CSTL1: variants seen among roughly 807,000 people sequenced by gnomAD.
The protein encoded by CSTL1 is cystatin-like 1.
In CSTL1, 14 loss-of-function variants were observed where a neutral mutation model predicts 14.4. The ratio of observed to expected loss-of-function variants is 0.97; its 90% CI spans 0.64 to 1.52. CSTL1 has a LOEUF of 1.52. CSTL1 is among the 40% of genes most tolerant of loss of function. The pLI is 0.00. For synonymous variants in CSTL1, 72 were observed against 67.5 expected (o/e 1.07, Z -0.33); for missense variants, 170 against 168.7 (o/e 1.01, Z -0.04).
the CSTL1 span, among the ~76,000 whole-genome samples, chr20:23,457,320 G>A: frequency 1.3e-5 from 2 of 152,238 alleles, no homozygotes; most frequent in East Asian, 1.9e-4. Flanking sequence ...CTCTGTTCCC[G>A]ACTCCTGGAC....
chr20:23,448,324 G>A (rs993709550), downstream of CSTL1, among the ~76,000 whole-genome samples: 1 of 152,186 alleles, frequency 6.6e-6, no homozygotes, highest in African/African-American at 2.4e-5. Context: ...TGGTGGGCCT[G>A]AGCCAGCATT....
chr20:23,441,010 C>T (rs573757486), intron 2 of CSTL1: 3 of 183,946 alleles, frequency 1.6e-5, no homozygotes, highest in African/African-American at 2.4e-5. Flanking sequence ...CTGCCCACCT[C>T]GGCCTCCCAA....
At chr20:23,452,644 G>A in the CSTL1 span, 1 of 1,614,028 alleles carries the variant, frequency 6.2e-7, no homozygotes, top group Non-Finnish European at 8.5e-7. Context: ...CACTTTCCTT[G>A]TTATACTGGT....
chr20:23,451,818 T>A, the CSTL1 span: 2 of 1,613,078 alleles, frequency 1.2e-6, no homozygotes, highest in Admixed American at 3.3e-5. Context: ...CCCAATACCT[T>A]GTGAAGCTCC....
At chr20:23,446,360 ATTC>A (rs1407793789), downstream of CSTL1, among the ~76,000 whole-genome samples, 16 of 152,200 alleles carry the variant, frequency 1.1e-4, no homozygotes, top group Middle Eastern at 6.8e-3. Flanking sequence ...GGTTCAACCA[ATTC>A]TTCTGCCTCA....
At chr20:23,452,269 G>C in the CSTL1 span, among the ~76,000 whole-genome samples, 1 of 152,086 alleles carries the variant, frequency 6.6e-6, no homozygotes, top group Non-Finnish European at 1.5e-5. Flanking sequence ...TACTCAGTTC[G>C]GCATGAGTGT....
At chr20:23,452,598 T>C in the CSTL1 span, 3 of 1,612,130 alleles carry the variant, frequency 1.9e-6, no homozygotes, top group Admixed American at 1.7e-5. Context: ...CTCTGGACTT[T>C]AAGGACTCGG....
At chr20:23,447,839 T>A (rs567543262), downstream of CSTL1, among the ~76,000 whole-genome samples, 7 of 152,370 alleles carry the variant, frequency 4.6e-5, no homozygotes, top group African/African-American at 1.7e-4. Flanking sequence ...CTTTAGCTAT[T>A]TTTTGCTCAA....
chr20:23,451,938 G>A, the CSTL1 span: 8 of 1,586,532 alleles, frequency 5.0e-6, no homozygotes, highest in Middle Eastern at 1.7e-4. Context: ...CGCCAGGCGT[G>A]GGGGAGGCAC....
At chr20:23,452,538 T>C in the CSTL1 span, 3 of 1,242,224 alleles carry the variant, frequency 2.4e-6, no homozygotes, top group East Asian at 2.3e-5. Flanking sequence ...GGCCACCCGA[T>C]GTGGGCGTAT....
chr20:23,444,950 T>C, downstream of CSTL1: 1 of 990,166 alleles, frequency 1.0e-6, no homozygotes, highest in Non-Finnish European at 1.6e-6. Flanking sequence ...CATTGGGGTC[T>C]TATTACACAT....
chr20:23,446,869 A>G (rs527548582), downstream of CSTL1, among the ~76,000 whole-genome samples: 2 of 152,342 alleles, frequency 1.3e-5, no homozygotes, highest in East Asian at 1.9e-4. Flanking sequence ...ACATAGAGCA[A>G]GAACCTCAAA....
chr20:23,458,780 TG>T, the CSTL1 span: 1 of 152,296 alleles, frequency 6.6e-6, no homozygotes, highest in South Asian at 2.1e-4. Flanking sequence ...TTTTGTTTTG[TG>T]GGTCTGGGGC....
At chr20:23,451,845 A>T in the CSTL1 span, 4 of 1,613,988 alleles carry the variant, frequency 2.5e-6, no homozygotes, top group African/African-American at 2.7e-5. Context: ...TGGGGGACAC[A>T]GTTCGTGGTC....
chr20:23,443,853 T>A, intron 2 of CSTL1, 81 bp from the exon 3 acceptor site: 1 of 997,622 alleles, frequency 1.0e-6, no homozygotes, highest in Non-Finnish European at 1.6e-6. Context: ...GGAGCTTTAC[T>A]CTCAGTCCTA....
At chr20:23,443,890 G>T (rs1986898846) in intron 2 of CSTL1, 44 bp from the exon 3 acceptor site, 1 of 1,441,568 alleles carries the variant, frequency 6.9e-7, no homozygotes, top group East Asian at 2.3e-5. Flanking sequence ...GTCAGCCACT[G>T]GATGCTTGGA....
chr20:23,440,395 C>T lies in CSTL1; in HGVS notation c.128C>T (p.Ser43Leu), dbSNP rs771676533. Residue 43 changes from serine (S) to leucine (L), a missense_variant, in exon 2 of 4, where the codon TCA (serine) becomes TTA (leucine). By Grantham distance (145) the Ser-to-Leu change is moderately radical. Transcript: ENST00000347397. Reference protein sequence around the residue: ...QKLMSKKNMNSTLNFFIQSYN... With the variant: ...QKLMSKKNMNLTLNFFIQSYN... ...CTCATGAGCAAGAAGAACATGAATT[C>T]AACACTCAACTTCTTCATTCAATCC... is the stretch of plus-strand genomic sequence containing the variant. The T allele has an allele frequency of 6.2e-7, 1 of 1,614,082 alleles. No homozygotes were observed. The highest frequency in any genetic ancestry group is 1.1e-5 in the South Asian group (1 of 91,078).
At chr20:23,458,162 G>A in the CSTL1 span, among the ~76,000 whole-genome samples, 2 of 152,206 alleles carry the variant, frequency 1.3e-5, no homozygotes, top group African/African-American at 4.8e-5. Flanking sequence ...TGGTTAAGAT[G>A]CTAAAATTAA....
At chr20:23,452,701 C>T in the CSTL1 span, 2 of 1,614,056 alleles carry the variant, frequency 1.2e-6, no homozygotes, top group South Asian at 1.1e-5. Flanking sequence ...CTACTGCCAT[C>T]ACTTCATGGA....
Sources: gnomAD v4.1 joint callset for allele counts (sites outside exome capture counted in the v4.1 genomes callset) on GRCh38, gnomAD v4.1.1 for gene constraint, MANE v1.5 for transcripts, NCBI Gene and HGNC (gene_info 2026-07-23, HGNC 2026-07-21) for gene names.